The following PARVB variants were observed in gnomAD, a reference collection of about 807,000 sequenced individuals.
PARVB encodes the protein beta-parvin.
A neutral mutation model predicts 47.0 loss-of-function variants in PARVB; 46 were observed. The ratio of observed to expected loss-of-function variants is 0.98; its 90% CI spans 0.77 to 1.25. The LOEUF (loss-of-function observed/expected upper bound fraction) is 1.25. Ranked by LOEUF, PARVB falls within the 50% of genes most tolerant of loss-of-function variation. PARVB has a pLI of 0.00. For missense variants in PARVB, 473 were observed against 471.6 expected, an observed-to-expected ratio of 1.00 and a Z score of -0.03; for synonymous variants, 196 against 196.3, an observed-to-expected ratio of 1.00 and a Z score of 0.01.
At chr22:44,100,651 A>G (rs1461372146) in intron 3 of PARVB, among the ~76,000 whole-genome samples, 1 of 152,122 alleles carries the variant, frequency 6.6e-6, no homozygotes, top group African/African-American at 2.4e-5. Context: ...AAGTCAGGGA[A>G]CAGTGAGGGA....
chr22:44,168,315 T>G, intron 12 of PARVB: 1 of 377,944 alleles, frequency 2.6e-6, no homozygotes, highest in Non-Finnish European at 5.0e-6. Flanking sequence ...TTCTTAGACA[T>G]GTCCTGATGC....
At chr22:44,017,705 C>G (rs1006445233) in intron 2 of PARVB, among the ~76,000 whole-genome samples, 2 of 152,200 alleles carry the variant, frequency 1.3e-5, no homozygotes, top group African/African-American at 4.8e-5. Flanking sequence ...CCAGACCCCC[C>G]ACAGATGCAT....
chr22:44,089,011 C>T lies in PARVB; in HGVS notation c.113-4917C>T, dbSNP rs2052098373. Among the ~76,000 whole-genome samples the T allele has an allele frequency of 6.6e-6, 1 of 152,204 alleles. No individual in the cohort carries two copies. Among genetic ancestry groups the T allele is most frequent in the Non-Finnish European group, 1.5e-5 (1 of 68,036 alleles). On this transcript the variant is annotated intron_variant, in intron 1 of 12. Coordinates refer to ENST00000338758, the MANE Select transcript of PARVB (RefSeq NM_013327.5). The surrounding 1 kb of genome is among the most constrained non-coding windows in gnomAD (Gnocchi z 4.0). ...TCCACACCAAACCCCACATTTCCAG[C>T]TTTTCTTGAAAACTCAGATCTGGTG...
chr22:44,041,017 A>T (rs2051009509), intron 1 of PARVB, among the ~76,000 whole-genome samples: 1 of 152,052 alleles, frequency 6.6e-6, no homozygotes, highest in Non-Finnish European at 1.5e-5. Context: ...AATAAAAAAA[A>T]AAAGAAAGAA....
chr22:44,165,931 G>A (rs925411497), intron 12 of PARVB, among the ~76,000 whole-genome samples: 1 of 152,216 alleles, frequency 6.6e-6, no homozygotes, highest in Admixed American at 6.5e-5. Context: ...CTGTCAGGGA[G>A]GAGAAATCCT....
intron 8 of PARVB, chr22:44,140,871 A>G (rs1481596454): frequency 4.9e-6 from 1 of 205,534 alleles, no homozygotes; most frequent in Non-Finnish European, 1.0e-5. Context: ...CCTCATCTTC[A>G]TCTCGGTGAG....
At chr22:44,016,300 G>A (rs1224182953) in intron 2 of PARVB, among the ~76,000 whole-genome samples, 1 of 151,876 alleles carries the variant, frequency 6.6e-6, no homozygotes, top group Admixed American at 6.6e-5. Context: ...GTTTCACCGT[G>A]TTAGCCAGGA....
At chr22:44,105,493 C>T (rs556289030) in intron 3 of PARVB, 3 of 152,304 alleles carry the variant, frequency 2.0e-5, no homozygotes, top group Admixed American at 6.5e-5. Context: ...CCCTGTCACT[C>T]CATCACTCTC....
intron 4 of PARVB, among the ~76,000 whole-genome samples, chr22:44,128,615 G>A (rs938980499): frequency 1.3e-5 from 2 of 152,118 alleles, no homozygotes; most frequent in African/African-American, 4.8e-5. Flanking sequence ...CTACATGCAG[G>A]GCCCACCCAT....
intron 4 of PARVB, among the ~76,000 whole-genome samples, chr22:44,122,446 A>T (rs1201579632): frequency 2.0e-5 from 3 of 150,356 alleles, no homozygotes; most frequent in African/African-American, 7.4e-5. Context: ...TGATTGTACC[A>T]CTACATTCCA....
intron 8 of PARVB, chr22:44,146,359 A>G (rs4599230): frequency 0.11 from 16,430 of 149,698 alleles, 937 homozygotes; most frequent in African/African-American, 0.17. Flanking sequence ...TCACACACAC[A>G]CATGCACACA....
intron 3 of PARVB, among the ~76,000 whole-genome samples, chr22:44,102,403 A>G (rs997633592): frequency 2.0e-5 from 3 of 152,220 alleles, no homozygotes; most frequent in African/African-American, 4.8e-5. Flanking sequence ...AAGATGAACC[A>G]TCCCATGCAC....
At chr22:44,120,248 G>A (rs1601634691) in intron 4 of PARVB, among the ~76,000 whole-genome samples, 1 of 152,216 alleles carries the variant, frequency 6.6e-6, no homozygotes, top group East Asian at 1.9e-4. Context: ...CTGGCTGAAT[G>A]AGCAGATGTC....
At chr22:44,065,970 G>A (rs893196661) in intron 1 of PARVB, among the ~76,000 whole-genome samples, 6 of 152,216 alleles carry the variant, frequency 3.9e-5, no homozygotes, top group Middle Eastern at 3.4e-3. Context: ...TGCTATAAAC[G>A]TGTGTGAAGT....
At chr22:44,022,285 C>T (rs2050658886), upstream of PARVB, among the ~76,000 whole-genome samples, 1 of 152,118 alleles carries the variant, frequency 6.6e-6, no homozygotes, top group Admixed American at 6.6e-5. Flanking sequence ...TCTCTTCTGC[C>T]TGGTGGGTCT....
rs878947943 is a variant in PARVB at position 44,168,399 on chromosome 22, G to T, written c.1019-203G>T. 1.6e-5 allele frequency: 9 copies of T among 545,810 alleles called. 1 individual carries two copies. The highest frequency in any genetic ancestry group is 3.0e-5 in the Non-Finnish European group (9 of 301,338). The allele number at this position is 545,810 out of a possible 1,614,324, so 33.8% of individuals were successfully genotyped here. A position where few individuals can be genotyped will look rare whatever the true frequency, so the allele number is the denominator to read the frequency against. On this transcript the variant is annotated intron_variant, in intron 12 of 12. Transcript: ENST00000338758. ...GCCTGTCCCCGCAGGGTGTCAGCCCGCGCCAGGAGCTCTCACAAAACCTGT... is the reference window on the plus strand; with the variant it reads ...GCCTGTCCCCGCAGGGTGTCAGCCCTCGCCAGGAGCTCTCACAAAACCTGT...
chr22:44,160,805 C>T (rs1487938353), intron 11 of PARVB, among the ~76,000 whole-genome samples: 2 of 152,198 alleles, frequency 1.3e-5, no homozygotes, highest in East Asian at 3.9e-4. Flanking sequence ...GCTTTGCTCT[C>T]CCCTTAAACT....
At chr22:44,075,494 A>C (rs189710971) in intron 1 of PARVB, among the ~76,000 whole-genome samples, 132 of 152,256 alleles carry the variant, frequency 8.7e-4, no homozygotes, top group African/African-American at 3.1e-3. Context: ...CCCAGAGTCC[A>C]CAGTTTCCAT....
At position 44,086,090 on chromosome 22, in the gene PARVB, C is replaced by T. The variant is rs901203739; in HGVS notation, c.113-7838C>T. The stretch of plus-strand genomic sequence containing the variant: ...ATCCTTCCGGTTTGGGCCACAGTCA[C>T]GGGGCTTTCTTACTCCTCTAGTCAT... On this transcript the variant is annotated intron_variant, in intron 1 of 12. Transcript: ENST00000338758. 3.9e-5 allele frequency among the ~76,000 whole-genome samples: 6 copies of T among 152,324 alleles called. No homozygotes were observed. In the South Asian group the frequency reaches 1.2e-3, roughly 32 times the overall value.
Sources: allele counts gnomAD v4.1 joint callset (sites outside exome capture counted in the v4.1 genomes callset), GRCh38; gene constraint gnomAD v4.1.1; non-coding constraint Gnocchi (gnomAD v3.1); transcripts MANE v1.5; gene names NCBI Gene and HGNC (gene_info 2026-07-23, HGNC 2026-07-21).